The following JPH1 variants were observed in gnomAD, a reference collection of about 807,000 sequenced individuals.
JPH1 encodes the protein junctophilin-1.
In JPH1, 12 loss-of-function variants were observed where a neutral mutation model predicts 53.6. The observed-to-expected ratio is 0.22, with a 90% CI of 0.14 to 0.36. The LOEUF is 0.36. Ranked by LOEUF, JPH1 falls within the 10% of genes least tolerant of loss-of-function variation. The pLI is 1.00. For missense variants in JPH1, 808 were observed against 905.5 expected (o/e 0.89, Z 1.38); for synonymous variants, 375 against 363.8 (o/e 1.03, Z -0.35).
At chr8:74,267,621 T>A (rs965229632) in intron 2 of JPH1, among the ~76,000 whole-genome samples, 18 of 152,066 alleles carry the variant, frequency 1.2e-4, no homozygotes, top group African/African-American at 3.9e-4. Context: ...GAAGCCGGAC[T>A]GAAGGGAGTT....
intron 4 of JPH1, among the ~76,000 whole-genome samples, chr8:74,240,287 T>G (rs1805655415): frequency 6.6e-6 from 1 of 152,144 alleles, no homozygotes; most frequent in African/African-American, 2.4e-5. Flanking sequence ...TTAGTTATTT[T>G]AAAAGGTACA....
At chr8:74,304,595 A>AAG (rs955976034) in intron 2 of JPH1, among the ~76,000 whole-genome samples, 5 of 152,106 alleles carry the variant, frequency 3.3e-5, no homozygotes, top group Non-Finnish European at 7.4e-5. Flanking sequence ...TAATGGATGG[A>AAG]AGGTTTGAAA....
chr8:74,241,685 T>C (rs1563391086), intron 4 of JPH1, among the ~76,000 whole-genome samples: 1 of 152,196 alleles, frequency 6.6e-6, no homozygotes. Flanking sequence ...AAAGTTTAAT[T>C]AAGTATTAAC....
At chr8:74,240,688 G>A (rs1161713944) in intron 4 of JPH1, among the ~76,000 whole-genome samples, 1 of 152,134 alleles carries the variant, frequency 6.6e-6, no homozygotes, top group Non-Finnish European at 1.5e-5. Flanking sequence ...ATTTTCAAAG[G>A]TAATTTAGTG....
At chr8:74,282,083 C>T (rs780516000) in intron 2 of JPH1, among the ~76,000 whole-genome samples, 36 of 152,166 alleles carry the variant, frequency 2.4e-4, no homozygotes, top group Non-Finnish European at 4.3e-4. Context: ...CCTACCTAAT[C>T]CTTTTGATTT....
chr8:74,281,997 C>A (rs1807028389), intron 2 of JPH1, among the ~76,000 whole-genome samples: 1 of 152,188 alleles, frequency 6.6e-6, no homozygotes, highest in Admixed American at 6.5e-5. Flanking sequence ...GGAGACTTTC[C>A]AAATGTTCCA....
chr8:74,272,177 T>C (rs1806719118), intron 2 of JPH1, among the ~76,000 whole-genome samples: 1 of 152,228 alleles, frequency 6.6e-6, no homozygotes, highest in Admixed American at 6.5e-5. Context: ...ATTTTTTCAT[T>C]GCTGTCCAAA....
intron 2 of JPH1, among the ~76,000 whole-genome samples, chr8:74,302,383 G>A (rs1052437688): frequency 2.6e-5 from 4 of 152,274 alleles, no homozygotes; most frequent in Admixed American, 2.0e-4. Context: ...ACCCAAAATT[G>A]TATCTTATGG....
intron 3 of JPH1, among the ~76,000 whole-genome samples, chr8:74,250,680 CA>C (rs1806019887): frequency 6.6e-6 from 1 of 152,190 alleles, no homozygotes; most frequent in Non-Finnish European, 1.5e-5. Flanking sequence ...TGGCCCAAGA[CA>C]ATTCTTCTTC....
intron 2 of JPH1, among the ~76,000 whole-genome samples, chr8:74,267,910 A>G (rs1806581525): frequency 6.6e-6 from 1 of 152,210 alleles, no homozygotes; most frequent in Admixed American, 6.5e-5. Flanking sequence ...AGGAAAGAAT[A>G]TAAGAACAGT....
chr8:74,276,121 A>G (rs1185323815), intron 2 of JPH1, among the ~76,000 whole-genome samples: 2 of 152,180 alleles, frequency 1.3e-5, no homozygotes, highest in South Asian at 4.1e-4. Flanking sequence ...AAGTTAAGAG[A>G]AAGTGTATAT....
chr8:74,248,002 C>A (rs1805910750), intron 3 of JPH1, among the ~76,000 whole-genome samples: 1 of 152,140 alleles, frequency 6.6e-6, no homozygotes, highest in Non-Finnish European at 1.5e-5. Flanking sequence ...ACTTATGAAG[C>A]TAAATTTTGG....
chr8:74,276,023 A>G (rs1234111799), intron 2 of JPH1, among the ~76,000 whole-genome samples: 3 of 152,232 alleles, frequency 2.0e-5, no homozygotes, highest in Admixed American at 6.5e-5. Context: ...ATCAACTAGA[A>G]GCACACATAT....
Position 74,315,167 on chromosome 8 carries a change from G to C in JPH1, c.833C>G (p.Thr278Arg). 1 of 1,614,182 alleles carries C rather than the reference G, an allele frequency of 6.2e-7. No individual in the cohort carries two copies. The highest frequency in any genetic ancestry group is 8.5e-7 in the Non-Finnish European group (1 of 1,180,030). Residue 278 changes from threonine to arginine, a missense_variant, in exon 2 of 6, where the codon ACG (threonine) becomes AGG (arginine). Coordinates refer to ENST00000342232, the MANE Select transcript of JPH1 (RefSeq NM_020647.4). This position sits in a 1 kb window ranked among gnomAD's most constrained non-coding sequence, Gnocchi z 6.3. ...PVEDHVDATT[T>R]ETYMGEWKND... is the part of the protein sequence containing the mutation. ...CTTCCACTCGCCCATGTAGGTTTCCGTGGTGGTGGCGTCCACGTGGTCTTC... is the reference window on the plus strand; with the variant it reads ...CTTCCACTCGCCCATGTAGGTTTCCCTGGTGGTGGCGTCCACGTGGTCTTC...
In JPH1 at chr8:74,321,501, C is replaced by T. The variant is rs992687236; in HGVS notation, c.-214G>A. 3 of 472,024 alleles carry T rather than the reference C, an allele frequency of 6.4e-6. No individual in the cohort carries two copies. The highest frequency in any genetic ancestry group is 7.3e-5 in the East Asian group (2 of 27,240). 29.2% of individuals were successfully genotyped at this position (472,024 alleles called of 1,614,324 possible). A position where few individuals can be genotyped will look rare whatever the true frequency, so the allele number is the denominator to read the frequency against. ...CCGCCTTCCTCCTCCTCCTCCTCCT[C>T]CTTCGCCGCCGCCGCCTGGGCCAGC... On this transcript the variant is annotated 5_prime_UTR_variant, in exon 1 of 6. Transcript: ENST00000342232. The surrounding 1 kb of genome is among the most constrained non-coding windows in gnomAD (Gnocchi z 4.3).
chr8:74,251,885 C>T (rs1411121617), intron 3 of JPH1, among the ~76,000 whole-genome samples: 1 of 152,120 alleles, frequency 6.6e-6, no homozygotes, highest in Non-Finnish European at 1.5e-5. Context: ...GCCAAAAGAA[C>T]AAAGCTGGAG....
At chr8:74,313,911 G>T (rs944307660) in intron 2 of JPH1, among the ~76,000 whole-genome samples, 36 of 152,206 alleles carry the variant, frequency 2.4e-4, no homozygotes, top group African/African-American at 8.2e-4. Context: ...TCTCACCTAT[G>T]ATATCCTTCC....
At chr8:74,241,054 T>G (rs996188098) in intron 4 of JPH1, among the ~76,000 whole-genome samples, 1 of 151,818 alleles carries the variant, frequency 6.6e-6, no homozygotes, top group African/African-American at 2.4e-5. Context: ...TACATATATA[T>G]TTTTTTCTTT....
In JPH1 at chr8:74,321,477, C is replaced by T; in HGVS notation, c.-190G>A. On this transcript the variant is annotated 5_prime_UTR_variant, in exon 1 of 6. Coordinates refer to ENST00000342232, the MANE Select transcript of JPH1 (RefSeq NM_020647.4). The surrounding 1 kb of genome is among the most constrained non-coding windows in gnomAD (Gnocchi z 4.3). The stretch of plus-strand genomic sequence containing the variant: ...CCTCCTCTTTTGCCGCCGCCACCGC[C>T]GCCTTCCTCCTCCTCCTCCTCCTCC... The T allele has an allele frequency of 1.9e-6, 1 of 521,538 alleles. No individual in the cohort carries two copies. The highest frequency in any genetic ancestry group is 3.1e-6 in the Non-Finnish European group (1 of 319,872). 32.3% of individuals were successfully genotyped at this position (521,538 alleles called of 1,614,324 possible).
Sources: gnomAD v4.1 joint callset for allele counts (sites outside exome capture counted in the v4.1 genomes callset) on GRCh38, gnomAD v4.1.1 for gene constraint, Gnocchi (gnomAD v3.1) non-coding constraint, MANE v1.5 for transcripts, NCBI Gene and HGNC (gene_info 2026-07-23, HGNC 2026-07-21) for gene names.